The following FOXJ3 variants were observed in gnomAD, a reference collection of about 807,000 sequenced individuals.
FOXJ3 encodes the protein forkhead box J3, also known as forkhead box protein J3.
FOXJ3 carries 22 observed loss-of-function variants against 76.1 expected under a neutral mutation model. The ratio of observed to expected loss-of-function variants is 0.29; its 90% CI spans 0.21 to 0.41. FOXJ3 has a LOEUF of 0.41. Among genes scored for constraint, FOXJ3 ranks in the 10% least tolerant of loss-of-function variants. The pLI is 1.00. For missense variants in FOXJ3, 613 were observed against 762.1 expected, an observed-to-expected ratio of 0.80 and a Z score of 2.30; for synonymous variants, 269 against 261.2, an observed-to-expected ratio of 1.03 and a Z score of -0.29.
Position 42,324,104 on chromosome 1 carries a change from G to GTGTATATATAGTGTATTTATACACTA in FOXJ3, c.-18+10954_-18+10955insTAGTGTATAAATACACTATATATACA, listed in dbSNP as rs776964079. Reference sequence around the variant, plus strand: ...AGTATATATACTGTATATATACTGTGTATATACACTGTATATACACAGTGT... The same window carrying GTGTATATATAGTGTATTTATACACTA: ...AGTATATATACTGTATATATACTGTGTGTATATATAGTGTATTTATACACTATATATACACTGTATATACACAGTGT... On this transcript the variant is annotated intron_variant, in intron 1 of 12. Coordinates refer to ENST00000361346, the MANE Select transcript of FOXJ3 (RefSeq NM_014947.5). 3.4e-5 allele frequency among the ~76,000 whole-genome samples: 3 copies of GTGTATATATAGTGTATTTATACACTA among 88,956 alleles called. No individual in the cohort carries two copies. The East Asian group carries it at 9.5e-4, about 28-fold the overall frequency. 58.4% of individuals were successfully genotyped at this position (88,956 alleles called of 152,430 possible).
chr1:42,324,630 T>C (rs1446333130), intron 1 of FOXJ3, among the ~76,000 whole-genome samples: 2 of 152,074 alleles, frequency 1.3e-5, no homozygotes, highest in Non-Finnish European at 2.9e-5. Flanking sequence ...ACCCATGCTA[T>C]ATGGTACAGC....
chr1:42,335,326 T>A (rs577730838), upstream of FOXJ3: 2 of 152,224 alleles, frequency 1.3e-5, no homozygotes, highest in Non-Finnish European at 2.9e-5. Flanking sequence ...GTCAAGTCCC[T>A]GCGCGGTCAC....
chr1:42,185,231 G>A (rs1435168095), intron 11 of FOXJ3, among the ~76,000 whole-genome samples: 2 of 149,772 alleles, frequency 1.3e-5, no homozygotes, highest in Non-Finnish European at 3.0e-5. Flanking sequence ...CTATGGAGAA[G>A]TGTAGCCCTC....
intron 6 of FOXJ3, among the ~76,000 whole-genome samples, chr1:42,200,032 A>AAAT (rs1646730870): frequency 6.8e-6 from 1 of 146,650 alleles, no homozygotes; most frequent in African/African-American, 2.5e-5. Flanking sequence ...AAAAAAAGGC[A>AAAT]AATATAAAGG....
chr1:42,283,434 G>C (rs935173298), intron 2 of FOXJ3, among the ~76,000 whole-genome samples: 4 of 152,122 alleles, frequency 2.6e-5, no homozygotes, highest in Non-Finnish European at 5.9e-5. Flanking sequence ...TTAGTACACT[G>C]CGTGGCCTAC....
chr1:42,263,917 A>G (rs1651257533), intron 4 of FOXJ3, among the ~76,000 whole-genome samples: 1 of 142,824 alleles, frequency 7.0e-6, no homozygotes, highest in Non-Finnish European at 1.5e-5. Flanking sequence ...AAGAGACCAT[A>G]TGAGTAGGTT....
intron 2 of FOXJ3, among the ~76,000 whole-genome samples, chr1:42,299,945 G>T (rs530549245): frequency 6.6e-6 from 1 of 151,800 alleles, no homozygotes; most frequent in South Asian, 2.1e-4. Context: ...GGCTCACACC[G>T]TAATCCGAGC....
At chr1:42,292,455 T>C (rs1490236865) in intron 2 of FOXJ3, among the ~76,000 whole-genome samples, 2 of 152,132 alleles carry the variant, frequency 1.3e-5, no homozygotes, top group African/African-American at 2.4e-5. Flanking sequence ...GTTGTGAATA[T>C]ACCCAATGGA....
chr1:42,309,132 A>G (rs907333302), intron 2 of FOXJ3, among the ~76,000 whole-genome samples: 1 of 152,142 alleles, frequency 6.6e-6, no homozygotes, highest in African/African-American at 2.4e-5. Flanking sequence ...GCATTCTGGA[A>G]AATCAGGATT....
At chr1:42,240,473 T>C (rs151278409) in intron 4 of FOXJ3, among the ~76,000 whole-genome samples, 5 of 152,212 alleles carry the variant, frequency 3.3e-5, no homozygotes, top group Non-Finnish European at 7.3e-5. Context: ...TATAAAGTTG[T>C]AGTAATCAGA....
rs111837198 is a variant in FOXJ3, at chr1:42,263,615, C to T, written c.444+1500G>A. Among the ~76,000 whole-genome samples, 982 of 152,196 alleles carry T rather than the reference C, an allele frequency of 6.5e-3. 3 individuals are homozygous for T. The highest frequency in any genetic ancestry group is 1.0e-2 in the Non-Finnish European group (678 of 67,994). On this transcript the variant is annotated intron_variant, in intron 4 of 12. Coordinates refer to ENST00000361346, the MANE Select transcript of FOXJ3 (RefSeq NM_014947.5). The stretch of plus-strand genomic sequence containing the variant: ...TATTATAATAATCTGTTCAATCTTA[C>T]TGAGAACCAACTTGACGGAGCAGAC...
intron 4 of FOXJ3, among the ~76,000 whole-genome samples, chr1:42,254,130 C>A (rs913354778): frequency 9.9e-5 from 15 of 152,054 alleles, no homozygotes; most frequent in Admixed American, 9.8e-4. Context: ...AAAAAACAAA[C>A]AACCCCATCA....
At chr1:42,311,911 CACT>C (rs1241573558) in intron 1 of FOXJ3, among the ~76,000 whole-genome samples, 1 of 152,194 alleles carries the variant, frequency 6.6e-6, no homozygotes, top group East Asian at 1.9e-4. Flanking sequence ...TGTCTATCAG[CACT>C]ACTATGGAGC....
chr1:42,262,202 T>C (rs919980962), intron 4 of FOXJ3, among the ~76,000 whole-genome samples: 1 of 152,214 alleles, frequency 6.6e-6, no homozygotes, highest in Non-Finnish European at 1.5e-5. Context: ...TTCCTGGTGA[T>C]ATAATTTAAG....
At chr1:42,331,060 A>G (rs1045870538) in intron 1 of FOXJ3, among the ~76,000 whole-genome samples, 2 of 152,180 alleles carry the variant, frequency 1.3e-5, no homozygotes, top group African/African-American at 4.8e-5. Flanking sequence ...GTGAAGATTC[A>G]ATGAAAATGG....
At chr1:42,262,540 GA>G (rs2124619773) in intron 4 of FOXJ3, among the ~76,000 whole-genome samples, 1 of 152,252 alleles carries the variant, frequency 6.6e-6, no homozygotes, top group South Asian at 2.1e-4. Context: ...AAATCAAAGA[GA>G]AAAATGTATT....
intron 5 of FOXJ3, among the ~76,000 whole-genome samples, chr1:42,218,747 T>C (rs903226341): frequency 1.3e-5 from 2 of 152,168 alleles, no homozygotes; most frequent in African/African-American, 2.4e-5. Context: ...AGAATAAAGA[T>C]TGTCTTTAAA....
In FOXJ3 at chr1:42,317,802, G is replaced by T. The variant is rs148747532; in HGVS notation, c.-17-6692C>A. On this transcript the variant is annotated intron_variant, in intron 1 of 12. Transcript: ENST00000361346. The stretch of plus-strand genomic sequence containing the variant: ...TAAGTAGAAAATGTAAGAACAGAAG[G>T]TATAGATTAAGAATTCAGGAAAGGT... Among the ~76,000 whole-genome samples the T allele has an allele frequency of 3.0e-3, 455 of 152,140 alleles. 2 individuals are homozygous for T. Among genetic ancestry groups the T allele is most frequent in the Middle Eastern group, 0.01 (3 of 294 alleles).
intron 3 of FOXJ3, among the ~76,000 whole-genome samples, chr1:42,267,758 C>T (rs1261967392): frequency 6.6e-6 from 1 of 151,760 alleles, no homozygotes; most frequent in Admixed American, 6.6e-5. Flanking sequence ...AGAATTTCAA[C>T]AGAAATGTGA....
Sources: allele counts gnomAD v4.1 joint callset (sites outside exome capture counted in the v4.1 genomes callset), GRCh38; gene constraint gnomAD v4.1.1; transcripts MANE v1.5; gene names NCBI Gene and HGNC (gene_info 2026-07-23, HGNC 2026-07-21).